Variants in KLRG1 observed in about 807,000 individuals in gnomAD.
KLRG1 encodes killer cell lectin like receptor G1.
In KLRG1, 16 loss-of-function variants were observed where a neutral mutation model predicts 21.8. The ratio of observed to expected loss-of-function variants is 0.73; its 90% CI spans 0.50 to 1.11. KLRG1 has a LOEUF of 1.11. Ranked by LOEUF, KLRG1 falls within the 50% of genes most tolerant of loss-of-function variation. The pLI, the probability that KLRG1 is intolerant of heterozygous loss-of-function variation, is 0.00. For missense variants in KLRG1, 173 were observed against 218.3 expected (o/e 0.79, Z 1.31); for synonymous variants, 69 against 75.9 (o/e 0.91, Z 0.47).
the KLRG1 span, chr12:9,192,850 C>A: frequency 7.2e-6 from 5 of 693,894 alleles, no homozygotes; most frequent in South Asian, 1.9e-5. Flanking sequence ...TACACTATGC[C>A]TCTCCCTCAT....
chr12:9,014,057 A>G (rs1277275584), downstream of KLRG1, among the ~76,000 whole-genome samples: 2 of 152,208 alleles, frequency 1.3e-5, no homozygotes, highest in East Asian at 1.9e-4. Flanking sequence ...GAAAATATAC[A>G]GGCAGAGGAG....
downstream of KLRG1, among the ~76,000 whole-genome samples, chr12:9,013,069 TC>T (rs1389264804): frequency 6.6e-6 from 1 of 152,134 alleles, no homozygotes; most frequent in Non-Finnish European, 1.5e-5. Context: ...TGCCTGGTAA[TC>T]TAGTAAATTC....
the KLRG1 span, chr12:9,106,259 G>T: frequency 6.2e-7 from 1 of 1,611,712 alleles, no homozygotes; most frequent in Non-Finnish European, 8.5e-7. Context: ...GGAATTCCCT[G>T]TCGAAAGTGT....
the KLRG1 span, chr12:9,058,444 C>T: frequency 4.0e-5 from 6 of 151,676 alleles, no homozygotes; most frequent in Non-Finnish European, 8.8e-5. Context: ...TTCATATGCT[C>T]ATTTTAATAT....
chr12:9,098,817 C>T, the KLRG1 span: 7 of 1,570,572 alleles, frequency 4.5e-6, no homozygotes, highest in African/African-American at 4.0e-5. Flanking sequence ...TGCATTCACT[C>T]GCATTTGCAG....
the KLRG1 span, among the ~76,000 whole-genome samples, chr12:9,065,449 G>C: frequency 3.9e-5 from 6 of 152,246 alleles, no homozygotes; most frequent in African/African-American, 1.4e-4. Context: ...AGGTCGGGCC[G>C]AGCCTGGGTA....
At chr12:9,096,381 GGAAATGATAGTTTTGTGCTTATCTT>G in the KLRG1 span, among the ~76,000 whole-genome samples, 1 of 152,196 alleles carries the variant, frequency 6.6e-6, no homozygotes, top group South Asian at 2.1e-4. Context: ...GATGATAGAA[GGAAATGATAGTTTTGTGCTTATCTT>G]GTGGTGAGCA....
the KLRG1 span, chr12:9,192,546 A>T: frequency 6.2e-7 from 1 of 1,614,140 alleles, no homozygotes. Flanking sequence ...TAACTCTCCC[A>T]TGGCCTGTCT....
chr12:9,168,674 A>T, the KLRG1 span: 2 of 504,440 alleles, frequency 4.0e-6, no homozygotes, highest in Non-Finnish European at 7.0e-6. Context: ...GAAGTATCGG[A>T]TGTATCTAAA....
the KLRG1 span, chr12:9,168,669 A>G: frequency 2.0e-6 from 1 of 498,120 alleles, no homozygotes; most frequent in Non-Finnish European, 3.5e-6. Context: ...GCCCTGAAGT[A>G]TCGGATGTAT....
Position 8,992,252 on chromosome 12 carries a change from G to C in KLRG1, c.129G>C (p.Leu43Phe). 1 of 1,613,874 alleles carries C rather than the reference G, an allele frequency of 6.2e-7. No homozygotes were observed. Among genetic ancestry groups the C allele is most frequent in the Non-Finnish European group, 8.5e-7 (1 of 1,179,858 alleles). The change falls in exon 2 of 5, where the codon TTG becomes TTC. Residue 43 changes from leucine (L) to phenylalanine (F), a missense_variant. This residue lies in a region of KLRG1 where 144 missense variants were observed against 161.5 expected (regional missense o/e 0.89). Coordinates refer to ENST00000356986, the MANE Select transcript of KLRG1 (RefSeq NM_005810.4). ...PSCSCLVAIA[L>F]GLLTAVLLSV... ...GTTCTTGCCTTGTGGCAATAGCTTT[G>C]GGGCTTCTGACTGCAGTTCTTCTGA... is the stretch of plus-strand genomic sequence containing the variant.
chr12:8,989,938 C>T (rs1946917896), intron 1 of KLRG1, among the ~76,000 whole-genome samples: 1 of 152,256 alleles, frequency 6.6e-6, no homozygotes, highest in South Asian at 2.1e-4. Flanking sequence ...TAACTGTTCA[C>T]TTCTTTGATC....
At chr12:9,103,495 G>A in the KLRG1 span, among the ~76,000 whole-genome samples, 1 of 152,020 alleles carries the variant, frequency 6.6e-6, no homozygotes, top group Non-Finnish European at 1.5e-5. Flanking sequence ...AAGTATATCT[G>A]TTGTGCAACA....
chr12:9,027,486 A>G, the KLRG1 span: 1 of 947,952 alleles, frequency 1.1e-6, no homozygotes, highest in Admixed American at 1.9e-5. Context: ...CTTCCCTGCC[A>G]CTTCTCTGGC....
chr12:9,116,068 G>A, the KLRG1 span: 1 of 548,212 alleles, frequency 1.8e-6, no homozygotes, highest in Non-Finnish European at 3.4e-6. Context: ...TTAATTCCTG[G>A]CGGGCTAAAT....
chr12:8,950,264 T>C (rs1428381000), intron 1 of KLRG1: 1 of 152,230 alleles, frequency 6.6e-6, no homozygotes, highest in Non-Finnish European at 1.5e-5. Context: ...GAATTATTAT[T>C]GTTACTGTTA....
At chr12:9,125,733 T>G in the KLRG1 span, among the ~76,000 whole-genome samples, 1 of 152,208 alleles carries the variant, frequency 6.6e-6, no homozygotes, top group African/African-American at 2.4e-5. Context: ...ATTTTTTGTT[T>G]GTTTGTTTGT....
At chr12:9,006,829 C>T (rs1947487221) in intron 3 of KLRG1, among the ~76,000 whole-genome samples, 1 of 152,168 alleles carries the variant, frequency 6.6e-6, no homozygotes, top group South Asian at 2.1e-4. Context: ...GATTAAACCA[C>T]CTGCTTATCT....
chr12:9,173,011 C>T, the KLRG1 span, among the ~76,000 whole-genome samples: 32 of 152,354 alleles, frequency 2.1e-4, no homozygotes, highest in East Asian at 5.2e-3. Context: ...CACCAAAATT[C>T]AACAGAATAT....
Sources: gnomAD v4.1 joint callset for allele counts (sites outside exome capture counted in the v4.1 genomes callset) on GRCh38, gnomAD v4.1.1 for gene constraint, gnomAD v4.1.1 regional missense constraint, MANE v1.5 for transcripts, NCBI Gene and HGNC (gene_info 2026-07-23, HGNC 2026-07-21) for gene names.